Variants in EXOC6 observed in about 807,000 individuals in gnomAD.
The protein encoded by EXOC6 is SEC15-like 1.
In EXOC6, 60 loss-of-function variants were observed where a neutral mutation model predicts 112.5. The ratio of observed to expected loss-of-function variants is 0.53; its 90% CI spans 0.43 to 0.66. EXOC6 has a LOEUF of 0.66. EXOC6 is among the 30% of genes least tolerant of loss of function. The pLI, the probability that EXOC6 is intolerant of heterozygous loss-of-function variation, is 0.00. For missense variants in EXOC6, 855 were observed against 957.1 expected, an observed-to-expected ratio of 0.89 and a Z score of 1.41; for synonymous variants, 295 against 308.0, an observed-to-expected ratio of 0.96 and a Z score of 0.44.
In EXOC6 at chr10:93,038,333, T is replaced by TA. The variant is rs541185854; in HGVS notation, c.2170-18584dup. 6.4e-3 allele frequency among the ~76,000 whole-genome samples: 975 copies of TA among 152,278 alleles called. 14 individuals are homozygous for TA. The highest frequency in any genetic ancestry group is 0.034 in the Middle Eastern group (10 of 294). Reference sequence around the variant, plus strand: ...AAGTGTGAATCTGACAACAGAGTTCTAAAAAAATCCTACTAAGCATTCTTT... The same window carrying TA: ...AAGTGTGAATCTGACAACAGAGTTCTAAAAAAAATCCTACTAAGCATTCTTT... On this transcript the variant is annotated intron_variant, in intron 20 of 21. Transcript: ENST00000260762.
intron 17 of EXOC6, among the ~76,000 whole-genome samples, chr10:92,965,735 T>G (rs1842016942): frequency 6.6e-6 from 1 of 152,200 alleles, no homozygotes; most frequent in African/African-American, 2.4e-5. Flanking sequence ...TATCTTTTCT[T>G]TCTATCCTTG....
At chr10:92,998,059 G>A (rs563737778) in intron 19 of EXOC6, among the ~76,000 whole-genome samples, 3 of 152,062 alleles carry the variant, frequency 2.0e-5, no homozygotes, top group Non-Finnish European at 4.4e-5. Flanking sequence ...CCTTTCCTTA[G>A]ATTTCACAAG....
Position 92,955,700 on chromosome 10 carries a change from C to T in EXOC6, c.1759C>T (p.Leu587Phe). ...TGTTCATACTACAAGACTTTATGGACTTTCTACTTTCAAGGTATGTAAAAA... is the reference window on the plus strand; with the variant it reads ...TGTTCATACTACAAGACTTTATGGATTTTCTACTTTCAAGGTATGTAAAAA... ...ETVHTTRLYG[L>F]STFKDARHAA... is the part of the protein sequence containing the mutation. The change falls in exon 17 of 22, where the codon CTT becomes TTT. Residue 587 changes from leucine to phenylalanine, a missense_variant. By Grantham distance (22) the Leu-to-Phe change is conservative. Coordinates refer to ENST00000260762, the MANE Select transcript of EXOC6 (RefSeq NM_019053.6). The T allele has an allele frequency of 6.2e-7, 1 of 1,608,378 alleles. No homozygotes were observed. The highest frequency in any genetic ancestry group is 8.5e-7 in the Non-Finnish European group (1 of 1,178,082).
intron 17 of EXOC6, among the ~76,000 whole-genome samples, chr10:92,957,731 A>G (rs899400763): frequency 6.6e-6 from 1 of 152,160 alleles, no homozygotes; most frequent in Non-Finnish European, 1.5e-5. Context: ...CTATTTCAAG[A>G]GGAATTTGTC....
At chr10:92,905,992 A>C (rs1237155556) in intron 5 of EXOC6, among the ~76,000 whole-genome samples, 1 of 152,050 alleles carries the variant, frequency 6.6e-6, no homozygotes, top group Non-Finnish European at 1.5e-5. Context: ...CAGTTCTGTT[A>C]GTTTTTGCTT....
At chr10:92,846,803 G>T (rs1337922649), upstream of EXOC6, among the ~76,000 whole-genome samples, 1 of 152,168 alleles carries the variant, frequency 6.6e-6, no homozygotes. Flanking sequence ...GACAAAGGGG[G>T]TATTGCATAT....
chr10:92,850,403 T>G (rs1437993629), intron 1 of EXOC6, among the ~76,000 whole-genome samples: 1 of 152,232 alleles, frequency 6.6e-6, no homozygotes, highest in Non-Finnish European at 1.5e-5. Context: ...TTATCCCATA[T>G]ATATGTATAT....
intron 1 of EXOC6, among the ~76,000 whole-genome samples, chr10:92,853,948 C>T (rs1356115942): frequency 6.8e-6 from 1 of 146,122 alleles, no homozygotes; most frequent in Non-Finnish European, 1.5e-5. Flanking sequence ...ATTGAGGTTG[C>T]AGTGAGCCGT....
intron 6 of EXOC6, among the ~76,000 whole-genome samples, chr10:92,911,923 C>G (rs61862276): frequency 1.8e-4 from 23 of 127,534 alleles, no homozygotes; most frequent in African/African-American, 6.2e-4. Flanking sequence ...CTCTCTCTCT[C>G]TCTCTCTCTG....
chr10:92,895,744 A>G (rs1448924799), intron 4 of EXOC6, among the ~76,000 whole-genome samples: 1 of 151,236 alleles, frequency 6.6e-6, no homozygotes, highest in African/African-American at 2.4e-5. Flanking sequence ...CTGTTGCCCA[A>G]GCTAGAGTGC....
intron 14 of EXOC6, among the ~76,000 whole-genome samples, chr10:92,950,326 G>T (rs1266187962): frequency 2.0e-5 from 3 of 152,098 alleles, no homozygotes; most frequent in Non-Finnish European, 4.4e-5. Flanking sequence ...ATGAATGGAG[G>T]AGTAATAGTA....
At chr10:93,028,252 G>A (rs960372320) in intron 20 of EXOC6, among the ~76,000 whole-genome samples, 1 of 152,010 alleles carries the variant, frequency 6.6e-6, no homozygotes, top group African/African-American at 2.4e-5. Flanking sequence ...AGCCATGATC[G>A]TGCCACTCCA....
intron 1 of EXOC6, among the ~76,000 whole-genome samples, chr10:92,863,066 A>G (rs1671660244): frequency 6.6e-6 from 1 of 152,254 alleles, no homozygotes; most frequent in Admixed American, 6.5e-5. Flanking sequence ...TAATAAAACT[A>G]TCTGTAGATG....
At chr10:92,947,055 A>G (rs1853063090) in intron 13 of EXOC6, among the ~76,000 whole-genome samples, 1 of 152,222 alleles carries the variant, frequency 6.6e-6, no homozygotes, top group Admixed American at 6.5e-5. Context: ...AGAGCCTAGC[A>G]CATAATAGGT....
intron 13 of EXOC6, among the ~76,000 whole-genome samples, chr10:92,943,887 A>G (rs536105488): frequency 6.6e-6 from 1 of 152,184 alleles, no homozygotes; most frequent in Non-Finnish European, 1.5e-5. Context: ...TACCCTGCCT[A>G]CGCCACTTTC....
Position 92,954,665 on chromosome 10 carries a change from C to T in EXOC6, c.1562C>T (p.Thr521Ile). The change falls in exon 16 of 22, where the codon ACA (threonine) becomes ATA (isoleucine). Residue 521 changes from threonine (T) to isoleucine (I), a missense_variant. Thr to Ile is a moderately conservative substitution (Grantham distance 89). Coordinates refer to ENST00000260762, the MANE Select transcript of EXOC6 (RefSeq NM_019053.6). Reference sequence around the variant, plus strand: ...ATAGACGATATGCTTAGAAAATCAACAAATCTGCTGCTGACCAGAACTTTG... The same window carrying T: ...ATAGACGATATGCTTAGAAAATCAATAAATCTGCTGCTGACCAGAACTTTG... ...TEIDDMLRKS[T>I]NLLLTRTLSS... 1 of 1,607,638 alleles carries T rather than the reference C, an allele frequency of 6.2e-7. No individual in the cohort carries two copies. The highest frequency in any genetic ancestry group is 8.5e-7 in the Non-Finnish European group (1 of 1,175,816).
chr10:92,954,116 A>G (rs1425153886), intron 15 of EXOC6, among the ~76,000 whole-genome samples: 2 of 152,004 alleles, frequency 1.3e-5, no homozygotes, highest in African/African-American at 2.4e-5. Context: ...CCCTGTTTCT[A>G]TAAAATATTT....
chr10:92,988,960 C>G (rs1378520176), intron 18 of EXOC6, among the ~76,000 whole-genome samples: 2 of 152,174 alleles, frequency 1.3e-5, no homozygotes, highest in African/African-American at 4.8e-5. Context: ...GATCTCTTCC[C>G]AAAGACATTC....
At chr10:92,877,315 C>A (rs1367655485) in intron 1 of EXOC6, among the ~76,000 whole-genome samples, 1 of 151,854 alleles carries the variant, frequency 6.6e-6, no homozygotes, top group African/African-American at 2.4e-5. Flanking sequence ...CTGTAATATC[C>A]TTCAGCATTC....
Sources: allele counts gnomAD v4.1 joint callset (sites outside exome capture counted in the v4.1 genomes callset), GRCh38; gene constraint gnomAD v4.1.1; transcripts MANE v1.5; gene names NCBI Gene and HGNC (gene_info 2026-07-23, HGNC 2026-07-21).